Variants in DSCAM observed in about 807,000 individuals in gnomAD.
The protein encoded by DSCAM is DS cell adhesion molecule.
A neutral mutation model predicts 217.7 loss-of-function variants in DSCAM; 47 were observed. The ratio of observed to expected loss-of-function variants is 0.22; its 90% confidence interval spans 0.17 to 0.28. DSCAM has a LOEUF of 0.28. Ranked by LOEUF, DSCAM falls within the 10% of genes least tolerant of loss-of-function variation. The pLI is 1.00. For missense variants in DSCAM, 2,080 were observed against 2,618.3 expected (o/e 0.79, Z 4.49); for synonymous variants, 1,056 against 1,015.3 (o/e 1.04, Z -0.76).
intron 1 of DSCAM, among the ~76,000 whole-genome samples, chr21:40,822,096 A>G (rs2091932595): frequency 6.6e-6 from 1 of 151,908 alleles, no homozygotes; most frequent in Non-Finnish European, 1.5e-5. Context: ...AGGCAGGCAG[A>G]TCACTTGAGG....
At chr21:40,757,386 T>C (rs1171819952) in intron 1 of DSCAM, among the ~76,000 whole-genome samples, 1 of 152,230 alleles carries the variant, frequency 6.6e-6, no homozygotes, top group African/African-American at 2.4e-5. Context: ...GCTTCTATGG[T>C]AGACTATTTG....
At chr21:40,510,923 G>A (rs1412165430) in intron 3 of DSCAM, among the ~76,000 whole-genome samples, 1 of 152,192 alleles carries the variant, frequency 6.6e-6, no homozygotes, top group Non-Finnish European at 1.5e-5. Context: ...CTGACCCATA[G>A]GTTATCAGTA....
At chr21:40,017,695 GCA>G (rs1238351275) in intron 32 of DSCAM, among the ~76,000 whole-genome samples, 12 of 152,120 alleles carry the variant, frequency 7.9e-5, no homozygotes, top group East Asian at 3.9e-4. Flanking sequence ...GGGATTACAG[GCA>G]TGCACCACCA....
In DSCAM at chr21:40,387,297, TAGTCCTACACA is replaced by T. The variant is rs59960079; in HGVS notation, c.509-18063_509-18053del. Among the ~76,000 whole-genome samples, 1,094 of 152,074 alleles carry T rather than the reference TAGTCCTACACA, an allele frequency of 7.2e-3. 10 individuals are homozygous for T. The highest frequency in any genetic ancestry group is 0.025 in the African/African-American group (1,037 of 41,462). On this transcript the variant is annotated intron_variant, in intron 3 of 32. Coordinates refer to ENST00000400454, the MANE Select transcript of DSCAM (RefSeq NM_001389.5). ...CAGCAATGAGGAAATGGAAGGCTGT[TAGTCCTACACA>T]AGTCCTACACAAGAGAAGTCTGCAG...
chr21:40,255,672 A>T (rs2073360632), intron 11 of DSCAM, among the ~76,000 whole-genome samples: 2 of 152,256 alleles, frequency 1.3e-5, no homozygotes, highest in Non-Finnish European at 2.9e-5. Context: ...GAAACAGAAC[A>T]GAAGGAGAGT....
chr21:40,385,521 G>A (rs886398819), intron 3 of DSCAM, among the ~76,000 whole-genome samples: 5 of 152,090 alleles, frequency 3.3e-5, no homozygotes, highest in African/African-American at 1.2e-4. Flanking sequence ...AAGATTCCTC[G>A]GCACCCACAT....
chr21:40,467,720 A>G (rs77893365), intron 3 of DSCAM, among the ~76,000 whole-genome samples: 2,159 of 152,208 alleles, frequency 0.014, 53 homozygotes, highest in African/African-American at 0.05. Context: ...AGAATTGATT[A>G]AAAAATACAC....
At chr21:40,208,602 G>A (rs1195569440) in intron 11 of DSCAM, among the ~76,000 whole-genome samples, 1 of 152,178 alleles carries the variant, frequency 6.6e-6, no homozygotes, top group Admixed American at 6.6e-5. Flanking sequence ...ACATGGTCAG[G>A]AGTTCTTACT....
intron 3 of DSCAM, among the ~76,000 whole-genome samples, chr21:40,627,961 AC>A (rs1242123371): frequency 6.6e-6 from 1 of 151,780 alleles, no homozygotes; most frequent in Non-Finnish European, 1.5e-5. Context: ...AAACTTGAAG[AC>A]CCCCAAAGTT....
chr21:40,414,592 C>A (rs958676384), intron 3 of DSCAM, among the ~76,000 whole-genome samples: 5 of 152,108 alleles, frequency 3.3e-5, no homozygotes, highest in African/African-American at 1.2e-4. Flanking sequence ...CTATTTTTCT[C>A]TTTCTTTTTC....
intron 3 of DSCAM, among the ~76,000 whole-genome samples, chr21:40,578,334 A>G (rs1356645560): frequency 6.6e-6 from 1 of 152,302 alleles, no homozygotes; most frequent in Admixed American, 6.5e-5. Flanking sequence ...GAACTTTTGC[A>G]TCTAGCTAAA....
chr21:40,630,564 G>C (rs1785957008), intron 3 of DSCAM: 2 of 152,234 alleles, frequency 1.3e-5, no homozygotes, highest in South Asian at 4.1e-4. Context: ...CTCCCAGTGT[G>C]CTGGGATTAC....
chr21:40,529,210 T>G (rs917889702), intron 3 of DSCAM, among the ~76,000 whole-genome samples: 4 of 152,132 alleles, frequency 2.6e-5, no homozygotes, highest in Non-Finnish European at 4.4e-5. Flanking sequence ...CTTTCCATTT[T>G]TAGCCCCTCC....
intron 11 of DSCAM, among the ~76,000 whole-genome samples, chr21:40,190,318 G>A (rs1404827195): frequency 2.0e-5 from 3 of 152,098 alleles, no homozygotes; most frequent in Non-Finnish European, 4.4e-5. Context: ...TGCATACTAA[G>A]CTTATCAGAA....
intron 11 of DSCAM, among the ~76,000 whole-genome samples, chr21:40,209,753 G>C (rs555761489): frequency 6.6e-6 from 1 of 152,048 alleles, no homozygotes; most frequent in African/African-American, 2.4e-5. Context: ...CTCTAGGCCC[G>C]TGACCATCAG....
At chr21:40,501,597 A>AT (rs1408068318) in intron 3 of DSCAM, among the ~76,000 whole-genome samples, 2 of 152,064 alleles carry the variant, frequency 1.3e-5, no homozygotes, top group Admixed American at 6.6e-5. Context: ...GTATTCTTTT[A>AT]TTTTTTGTTT....
chr21:40,417,346 C>G (rs536249386), intron 3 of DSCAM, among the ~76,000 whole-genome samples: 2 of 152,170 alleles, frequency 1.3e-5, no homozygotes, highest in South Asian at 4.2e-4. Context: ...TCGTCATTTA[C>G]AGATTTAATT....
Position 40,651,663 on chromosome 21 carries a change from C to T in DSCAM, c.508+41147G>A, listed in dbSNP as rs1433188410. Among the ~76,000 whole-genome samples the T allele has an allele frequency of 2.0e-5, 3 of 152,114 alleles. No homozygotes were observed. In the East Asian group the frequency reaches 5.8e-4, roughly 29 times the overall value. ...TGACCTGTTGGAAACTCAGTTTCAC[C>T]GCAGCTTTACAAGGCTGCAGAGTCT... On this transcript the variant is annotated intron_variant, in intron 3 of 32. Transcript: ENST00000400454.
intron 3 of DSCAM, among the ~76,000 whole-genome samples, chr21:40,624,022 A>G (rs962120153): frequency 6.6e-6 from 1 of 152,138 alleles, no homozygotes; most frequent in Non-Finnish European, 1.5e-5. Flanking sequence ...ATATGGCGAT[A>G]AGTCTTGAGG....
Sources: allele counts gnomAD v4.1 joint callset (sites outside exome capture counted in the v4.1 genomes callset), GRCh38; gene constraint gnomAD v4.1.1; transcripts MANE v1.5; gene names NCBI Gene and HGNC (gene_info 2026-07-23, HGNC 2026-07-21).